The following GRB10 variants were observed in gnomAD, a reference collection of about 807,000 sequenced individuals.
GRB10 encodes growth factor receptor-bound protein 10.
Under a neutral mutation model 80.9 loss-of-function variants are expected in GRB10, and 20 were observed. The observed-to-expected ratio is 0.25, with a 90% confidence interval of 0.17 to 0.36. The LOEUF (loss-of-function observed/expected upper bound fraction) is 0.36, where lower values mean the gene tolerates loss of function less well. Among genes scored for constraint, GRB10 ranks in the 10% least tolerant of loss-of-function variants. The probability of loss-of-function intolerance (pLI) is 1.00; values close to 1 mark genes in which losing one functional copy is unlikely to be tolerated. For synonymous variants in GRB10, 291 were observed against 291.5 expected (o/e 1.00, Z 0.02); for missense variants, 548 against 747.7 (o/e 0.73, Z 3.12).
At position 50,616,115 on chromosome 7, in the gene GRB10, G is replaced by A; in HGVS notation, c.984+95C>T. 4 of 1,395,294 alleles carry A rather than the reference G, an allele frequency of 2.9e-6. No individual in the cohort carries two copies. In the South Asian group the frequency reaches 4.7e-5, roughly 16 times the overall value. 86.4% of individuals were successfully genotyped at this position (1,395,294 alleles called of 1,614,324 possible). ...TGTCCTGAGCTTGGAGGAGTCTAAG[G>A]TGCATTTAAAAATGAAGCCCAGGTT... is the stretch of plus-strand genomic sequence containing the variant. On this transcript the variant is annotated intron_variant, in intron 11 of 18. Coordinates refer to ENST00000401949, the MANE Select transcript of GRB10 (RefSeq NM_001350814.2).
chr7:50,767,852 A>G (rs11238315), intron 2 of GRB10, among the ~76,000 whole-genome samples: 95,881 of 152,008 alleles, frequency 0.63, 32,601 homozygotes, highest in Middle Eastern at 0.87. Flanking sequence ...CCTGTGTTGC[A>G]ATCGAGAAGC....
chr7:50,624,113 A>G (rs1413831031), intron 8 of GRB10, among the ~76,000 whole-genome samples: 2 of 152,194 alleles, frequency 1.3e-5, no homozygotes, highest in East Asian at 1.9e-4. Context: ...TTGGGTTACA[A>G]TCTGCCTTAG....
chr7:50,666,133 T>A (rs1216452711), intron 7 of GRB10, among the ~76,000 whole-genome samples: 5 of 152,162 alleles, frequency 3.3e-5, no homozygotes, highest in African/African-American at 1.2e-4. Flanking sequence ...CTAGATAGAA[T>A]AATGGCTGCT....
intron 13 of GRB10, among the ~76,000 whole-genome samples, chr7:50,608,807 A>T (rs1041827401): frequency 6.6e-6 from 1 of 152,098 alleles, no homozygotes; most frequent in Non-Finnish European, 1.5e-5. Flanking sequence ...TCTATAAAAA[A>T]TACAAAAATT....
At chr7:50,613,365 G>A (rs888559634) in intron 12 of GRB10, among the ~76,000 whole-genome samples, 20 of 152,112 alleles carry the variant, frequency 1.3e-4, no homozygotes, top group Non-Finnish European at 2.6e-4. Context: ...ACCCCAAGTA[G>A]AAGGTCCAGA....
intron 13 of GRB10, among the ~76,000 whole-genome samples, chr7:50,608,120 G>A (rs1042090314): frequency 2.0e-5 from 3 of 152,178 alleles, no homozygotes; most frequent in Non-Finnish European, 2.9e-5. Context: ...ACAAAAAGAC[G>A]TCAAGCTACA....
At chr7:50,664,396 A>G (rs2059584566) in intron 7 of GRB10, among the ~76,000 whole-genome samples, 1 of 152,172 alleles carries the variant, frequency 6.6e-6, no homozygotes, top group Non-Finnish European at 1.5e-5. Context: ...ACCTTAAAGA[A>G]GTACAGCAGA....
chr7:50,756,140 T>A (rs1383098381), intron 2 of GRB10, 84 bp from the exon 3 acceptor site: 2 of 398,278 alleles, frequency 5.0e-6, no homozygotes, highest in Non-Finnish European at 8.8e-6. Context: ...ATAAAACTTT[T>A]AAAACAGACA....
chr7:50,603,900 G>T, intron 17 of GRB10, 98 bp downstream of exon 17: 1 of 1,027,862 alleles, frequency 9.7e-7, no homozygotes, highest in Non-Finnish European at 1.6e-6. Flanking sequence ...CAAAACTGCT[G>T]CCTGTCCAGC....
At chr7:50,635,566 C>CAAAAAAACA (rs1402377886) in intron 7 of GRB10, among the ~76,000 whole-genome samples, 23 of 151,404 alleles carry the variant, frequency 1.5e-4, no homozygotes, top group African/African-American at 4.6e-4. Flanking sequence ...CAAAACAAAA[C>CAAAAAAACA]AAAAAAACCC....
intron 5 of GRB10, among the ~76,000 whole-genome samples, chr7:50,683,534 C>T (rs911178547): frequency 1.3e-5 from 2 of 152,048 alleles, no homozygotes; most frequent in Admixed American, 6.5e-5. Context: ...GTCAGGAGTT[C>T]GAGACCAGCC....
At chr7:50,772,067 G>A (rs960250031) in intron 2 of GRB10, among the ~76,000 whole-genome samples, 5 of 152,136 alleles carry the variant, frequency 3.3e-5, no homozygotes, top group Admixed American at 6.5e-5. Context: ...ATTGTGATGC[G>A]GATGTGGATC....
chr7:50,604,151 A>G, intron 16 of GRB10, 66 bp from the exon 17 acceptor site: 1 of 1,411,234 alleles, frequency 7.1e-7, no homozygotes, highest in Non-Finnish European at 1.0e-6. Flanking sequence ...CCCTGACAGC[A>G]CAACCAACTC....
chr7:50,666,412 T>C (rs190775362), intron 7 of GRB10, among the ~76,000 whole-genome samples: 1 of 152,274 alleles, frequency 6.6e-6, no homozygotes, highest in Admixed American at 6.5e-5. Flanking sequence ...TACCCATGAC[T>C]ACTCCCATGC....
At chr7:50,657,502 C>T (rs2058765792) in intron 7 of GRB10, among the ~76,000 whole-genome samples, 1 of 152,176 alleles carries the variant, frequency 6.6e-6, no homozygotes, top group Non-Finnish European at 1.5e-5. Context: ...TGCGCCGGTA[C>T]ATGGTGTTCC....
intron 5 of GRB10, among the ~76,000 whole-genome samples, chr7:50,684,915 C>T (rs774301129): frequency 2.2e-4 from 34 of 152,164 alleles, no homozygotes; most frequent in Non-Finnish European, 4.3e-4. Flanking sequence ...ACTTGTCATT[C>T]TGGAAGGTTC....
At chr7:50,619,090 A>C (rs989335001) in intron 9 of GRB10, 80 bp downstream of exon 9, 5 of 823,456 alleles carry the variant, frequency 6.1e-6, no homozygotes, top group Admixed American at 1.9e-5. Context: ...GTCACTTTCT[A>C]ATCTGATACT....
chr7:50,689,928 G>A (rs958707442), intron 5 of GRB10, among the ~76,000 whole-genome samples: 3 of 151,244 alleles, frequency 2.0e-5, no homozygotes, highest in Non-Finnish European at 4.4e-5. Context: ...CCAAAATAAG[G>A]AAGCATTCTA....
chr7:50,719,618 C>T (rs2067400635), intron 4 of GRB10, among the ~76,000 whole-genome samples: 1 of 151,992 alleles, frequency 6.6e-6, no homozygotes, highest in African/African-American at 2.4e-5. Context: ...GTGCAGCAAA[C>T]CACCATGGCA....
Sources: allele counts gnomAD v4.1 joint callset (sites outside exome capture counted in the v4.1 genomes callset), GRCh38; gene constraint gnomAD v4.1.1; transcripts MANE v1.5; gene names NCBI Gene and HGNC (gene_info 2026-07-23, HGNC 2026-07-21).